Variants in TTLL5 observed in about 807,000 individuals in gnomAD.
TTLL5 encodes the protein tubulin polyglutamylase TTLL5.
In TTLL5, 132 loss-of-function variants were observed where a neutral mutation model predicts 168.4. That is an observed-to-expected ratio of 0.78 (90% CI 0.68 to 0.91). TTLL5 has a LOEUF of 0.91. Ranked by LOEUF, TTLL5 falls within the 40% of genes least tolerant of loss-of-function variation. The pLI is 0.00. For synonymous variants in TTLL5, 546 were observed against 558.6 expected (o/e 0.98, Z 0.32); for missense variants, 1,545 against 1,581.5 (o/e 0.98, Z 0.39).
intron 12 of TTLL5, among the ~76,000 whole-genome samples, chr14:75,724,745 T>C (rs61591808): frequency 0.018 from 2,711 of 152,250 alleles, 71 homozygotes; most frequent in African/African-American, 0.062. Flanking sequence ...CCTCCCTCAA[T>C]AAGACAGATT....
At chr14:75,909,275 C>T (rs1595249766) in intron 31 of TTLL5, among the ~76,000 whole-genome samples, 1 of 149,070 alleles carries the variant, frequency 6.7e-6, no homozygotes, top group Non-Finnish European at 1.5e-5. Context: ...CAAAATTTCC[C>T]CTGCCCTAAA....
At chr14:75,712,302 C>G (rs1190888037) in intron 9 of TTLL5, 1 of 151,762 alleles carries the variant, frequency 6.6e-6, no homozygotes, top group African/African-American at 2.4e-5. Flanking sequence ...CTCAAAATGC[C>G]TACACCTGTT....
chr14:75,769,718 ATAT>A (rs1891166549), intron 20 of TTLL5, among the ~76,000 whole-genome samples: 1 of 152,184 alleles, frequency 6.6e-6, no homozygotes, highest in African/African-American at 2.4e-5. Context: ...CTTGCTCATT[ATAT>A]TGTAGGTGAA....
chr14:75,770,940 A>G (rs901648337), intron 20 of TTLL5, among the ~76,000 whole-genome samples: 2 of 152,152 alleles, frequency 1.3e-5, no homozygotes, highest in Non-Finnish European at 2.9e-5. Context: ...GGATTTATCT[A>G]TTTCCTGCTT....
In TTLL5 at chr14:75,954,653, G is replaced by T; in HGVS notation, c.*207G>T. 1.7e-6 allele frequency: 1 copy of T among 600,526 alleles called. No individual in the cohort carries two copies. Among genetic ancestry groups the T allele is most frequent in the African/African-American group, 1.9e-5 (1 of 53,968 alleles). The allele number at this position is 600,526 out of a possible 1,614,324, so 37.2% of individuals were successfully genotyped here. A position where few individuals can be genotyped will look rare whatever the true frequency, so the allele number is the denominator to read the frequency against. On this transcript the variant is annotated 3_prime_UTR_variant, in exon 32 of 32. Transcript: ENST00000298832. ...GGACAACAAGAAAGCAGATCTTCTG[G>T]GTTTTGATGGAACTTGGCAGTGGGG...
chr14:75,716,081 C>T (rs887022985), intron 9 of TTLL5, among the ~76,000 whole-genome samples: 2 of 152,126 alleles, frequency 1.3e-5, no homozygotes, highest in African/African-American at 4.8e-5. Context: ...GCAGCCAGCA[C>T]GGGGCCCCTT....
At chr14:75,687,962 G>C (rs77893198) in intron 5 of TTLL5, among the ~76,000 whole-genome samples, 1 of 152,308 alleles carries the variant, frequency 6.6e-6, no homozygotes, top group South Asian at 2.1e-4. Context: ...ATGGCAACTG[G>C]AACACTTTTG....
chr14:75,843,877 G>GTTTTGTTTTGTTTTGTTTTATTTCA (rs1208784264), intron 28 of TTLL5, among the ~76,000 whole-genome samples: 1 of 130,626 alleles, frequency 7.7e-6, no homozygotes, highest in Non-Finnish European at 1.6e-5. Context: ...GTTTTGTTTT[G>GTTTTGTTTTGTTTTGTTTTATTTCA]TTTTATTTTA....
rs555377225 is a variant in TTLL5, at chr14:75,953,707, T to A, written c.3824-717T>A. ...GAGAAGGCAAAGTATTATCTGACAC[T>A]CTGACATTGAGGGAAAATTTAGAAA... On this transcript the variant is annotated intron_variant, in intron 31 of 31. Transcript: ENST00000298832. Among the ~76,000 whole-genome samples the A allele has an allele frequency of 2.2e-3, 334 of 152,236 alleles. 1 individual carries two copies. The highest frequency in any genetic ancestry group is 7.7e-3 in the African/African-American group (318 of 41,544).
chr14:75,839,271 A>G (rs1896076182), intron 28 of TTLL5, among the ~76,000 whole-genome samples: 1 of 152,136 alleles, frequency 6.6e-6, no homozygotes, highest in African/African-American at 2.4e-5. Flanking sequence ...TCTATTTTTA[A>G]GTTTTCGAGG....
At chr14:75,863,227 A>G (rs1310889876) in intron 28 of TTLL5, among the ~76,000 whole-genome samples, 1 of 152,208 alleles carries the variant, frequency 6.6e-6, no homozygotes, top group Non-Finnish European at 1.5e-5. Context: ...TTGAGAGAAA[A>G]CAAATTCTGT....
In TTLL5 at chr14:75,683,582, G is replaced by C; in HGVS notation, c.297G>C (p.Met99Ile). ...VHPSSTDYNL[M>I]WTGSHLKPFL... is the part of the protein sequence containing the mutation. ...CAAGCAGCACTGACTATAACCTAATGTGGACAGGATCCCACCTGAAGCCCT... is the reference window on the plus strand; with the variant it reads ...CAAGCAGCACTGACTATAACCTAATCTGGACAGGATCCCACCTGAAGCCCT... Residue 99 changes from methionine (M) to isoleucine (I), a missense_variant, in exon 5 of 32, where the codon ATG (methionine) becomes ATC (isoleucine). Transcript: ENST00000298832. 6.2e-7 allele frequency: 1 copy of C among 1,613,950 alleles called. No individual in the cohort carries two copies. Among genetic ancestry groups the C allele is most frequent in the South Asian group, 1.1e-5 (1 of 91,076 alleles).
At chr14:75,802,907 C>T (rs1893408433) in intron 27 of TTLL5, among the ~76,000 whole-genome samples, 1 of 152,112 alleles carries the variant, frequency 6.6e-6, no homozygotes, top group Admixed American at 6.5e-5. Context: ...AGGTAGATGG[C>T]AGAAGAAGGG....
In TTLL5 at chr14:75,701,557, A is replaced by C. The variant is rs145221269; in HGVS notation, c.585+2287A>C. On this transcript the variant is annotated intron_variant, in intron 7 of 31. Transcript: ENST00000298832. Reference sequence around the variant, plus strand: ...CACTCCCCTTCCACCTTGCCAAAATAAAGTGGGCCATATTGTGAATGCAGA... The same window carrying C: ...CACTCCCCTTCCACCTTGCCAAAATCAAGTGGGCCATATTGTGAATGCAGA... Among the ~76,000 whole-genome samples, 319 of 152,346 alleles carry C rather than the reference A, an allele frequency of 2.1e-3. 2 individuals carry two copies. The highest frequency in any genetic ancestry group is 6.8e-3 in the Middle Eastern group (2 of 294).
chr14:75,941,137 A>G (rs906397158), intron 31 of TTLL5, among the ~76,000 whole-genome samples: 1 of 152,256 alleles, frequency 6.6e-6, no homozygotes, highest in Non-Finnish European at 1.5e-5. Flanking sequence ...TGCTGTAGTC[A>G]GCGGCTCCCA....
intron 27 of TTLL5, among the ~76,000 whole-genome samples, chr14:75,817,314 TC>T (rs772339549): frequency 6.6e-6 from 1 of 151,962 alleles, no homozygotes; most frequent in Non-Finnish European, 1.5e-5. Flanking sequence ...GCCCTTCTTC[TC>T]CCCCTTGTAG....
chr14:75,685,936 A>AATTTTGAG (rs1885011567), intron 5 of TTLL5, among the ~76,000 whole-genome samples: 1 of 152,286 alleles, frequency 6.6e-6, no homozygotes, highest in African/African-American at 2.4e-5. Flanking sequence ...TTCATCCCAG[A>AATTTTGAG]ATTTTGAGAG....
At chr14:75,841,738 TA>T (rs549955722) in intron 28 of TTLL5, among the ~76,000 whole-genome samples, 1 of 151,944 alleles carries the variant, frequency 6.6e-6, no homozygotes. Context: ...TGTCCATACT[TA>T]AAAAAAATAG....
chr14:75,683,478 T>G lies in TTLL5; in HGVS notation c.265-72T>G, dbSNP rs555344954. 9.6e-6 allele frequency: 12 copies of G among 1,245,108 alleles called. No individual in the cohort carries two copies. The African/African-American group carries it at 1.6e-4, about 17-fold the overall frequency. 77.1% of individuals were successfully genotyped at this position (1,245,108 alleles called of 1,614,324 possible). A position where few individuals can be genotyped will look rare whatever the true frequency, so the allele number is the denominator to read the frequency against. On this transcript the variant is annotated intron_variant, in intron 4 of 31. Coordinates refer to ENST00000298832, the MANE Select transcript of TTLL5 (RefSeq NM_015072.5). Reference sequence around the variant, plus strand: ...ATGAAAAAATCACTGTGGCTTTTTCTGCCATTGCTTTTCCTGGAGAAGGGG... The same window carrying G: ...ATGAAAAAATCACTGTGGCTTTTTCGGCCATTGCTTTTCCTGGAGAAGGGG...
Sources: allele counts gnomAD v4.1 joint callset (sites outside exome capture counted in the v4.1 genomes callset), GRCh38; gene constraint gnomAD v4.1.1; transcripts MANE v1.5; gene names NCBI Gene and HGNC (gene_info 2026-07-23, HGNC 2026-07-21).